HPSE2: variants seen among roughly 807,000 people sequenced by gnomAD.
The protein encoded by HPSE2 is inactive heparanase-2.
HPSE2 carries 38 observed loss-of-function variants against 60.5 expected under a neutral mutation model. That is an observed-to-expected ratio of 0.63 (90% CI 0.48 to 0.82). The LOEUF (loss-of-function observed/expected upper bound fraction) is 0.82, where lower values mean the gene tolerates loss of function less well. HPSE2 is among the 40% of genes least tolerant of loss of function. HPSE2 has a pLI of 0.00. For missense variants in HPSE2, 713 were observed against 740.4 expected (o/e 0.96, Z 0.43); for synonymous variants, 295 against 293.2 (o/e 1.01, Z -0.06).
chr10:98,469,826 AG>A (rs1337698584), intron 11 of HPSE2, among the ~76,000 whole-genome samples: 2 of 152,212 alleles, frequency 1.3e-5, no homozygotes, highest in African/African-American at 2.4e-5. Flanking sequence ...AGCCTTTCCT[AG>A]AAGTATGGCA....
intron 3 of HPSE2, among the ~76,000 whole-genome samples, chr10:98,812,201 C>T (rs1274837466): frequency 1.3e-5 from 2 of 152,090 alleles, no homozygotes; most frequent in Admixed American, 1.3e-4. Flanking sequence ...TTATTGGTAA[C>T]CGTTGCTCCA....
intron 3 of HPSE2, among the ~76,000 whole-genome samples, chr10:99,104,844 T>C (rs1034955523): frequency 6.6e-6 from 1 of 151,640 alleles, no homozygotes; most frequent in African/African-American, 2.4e-5. Context: ...TTCTCACTCA[T>C]AGGTGGGAAT....
At chr10:99,197,194 T>C (rs1447616049) in intron 2 of HPSE2, among the ~76,000 whole-genome samples, 1 of 152,014 alleles carries the variant, frequency 6.6e-6, no homozygotes, top group African/African-American at 2.4e-5. Context: ...CTCATGGACA[T>C]AGTAAAAGGA....
rs147937912 is a variant in HPSE2 at position 99,165,674 on chromosome 10, G to A, written c.449-21275C>T. ...TGATTCTCCTGCCTCAGCTTCCTGA[G>A]TAGCTGGGATTACAGATGCGTGTCA... On this transcript the variant is annotated intron_variant, in intron 2 of 11. Transcript: ENST00000370552. 5.1e-3 allele frequency among the ~76,000 whole-genome samples: 770 copies of A among 152,128 alleles called. 8 individuals are homozygous for A. Among genetic ancestry groups the A allele is most frequent in the Non-Finnish European group, 8.9e-3 (604 of 68,012 alleles).
the HPSE2 span, among the ~76,000 whole-genome samples, chr10:99,308,378 T>TAAAAAAAAA: frequency 2.2e-4 from 1 of 4,478 alleles, no homozygotes; most frequent in Non-Finnish European, 6.2e-4. Context: ...AGACTCTGTC[T>TAAAAAAAAA]CAAAAAAAAA....
intron 3 of HPSE2, among the ~76,000 whole-genome samples, chr10:98,866,144 C>T (rs1418409991): frequency 6.6e-6 from 1 of 151,984 alleles, no homozygotes; most frequent in Admixed American, 6.6e-5. Context: ...TACTGTACTT[C>T]CATATGTTCT....
intron 6 of HPSE2, among the ~76,000 whole-genome samples, chr10:98,681,987 G>A (rs564645962): frequency 7.9e-5 from 12 of 152,280 alleles, no homozygotes; most frequent in Admixed American, 4.6e-4. Context: ...AAAATACCAC[G>A]TGCATTTAAT....
At chr10:99,305,951 ACT>A in the HPSE2 span, among the ~76,000 whole-genome samples, 11 of 72,330 alleles carry the variant, frequency 1.5e-4, no homozygotes, top group African/African-American at 5.8e-4. Context: ...AAATATCCAA[ACT>A]CACACACACG....
intron 6 of HPSE2, among the ~76,000 whole-genome samples, chr10:98,644,405 G>A (rs991327199): frequency 1.3e-5 from 2 of 152,236 alleles, no homozygotes; most frequent in Non-Finnish European, 2.9e-5. Context: ...GCTATCCGCT[G>A]TAGAACTTGG....
intron 3 of HPSE2, among the ~76,000 whole-genome samples, chr10:99,087,402 T>C (rs1212109440): frequency 6.6e-6 from 1 of 152,180 alleles, no homozygotes; most frequent in African/African-American, 2.4e-5. Context: ...ATCCTGCCCT[T>C]GGATACACGT....
intron 3 of HPSE2, among the ~76,000 whole-genome samples, chr10:98,809,673 A>T (rs566058308): frequency 6.6e-6 from 1 of 152,284 alleles, no homozygotes; most frequent in Non-Finnish European, 1.5e-5. Flanking sequence ...ACATCTGAAA[A>T]TTTTAAAAAT....
In HPSE2 at chr10:99,144,412, A is replaced by G; in HGVS notation, c.449-13T>C. ...CTTCGAACAATGTCTACAAAAAGAA[A>G]GAAAGAAGGCAGGCAGCAAAAACTA... On this transcript the variant is annotated splice_polypyrimidine_tract_variant and intron_variant, in intron 2 of 11. Transcript: ENST00000370552. The G allele has an allele frequency of 6.2e-7, 1 of 1,612,440 alleles. No homozygotes were observed. Among genetic ancestry groups the G allele is most frequent in the South Asian group, 1.1e-5 (1 of 91,006 alleles).
intron 9 of HPSE2, among the ~76,000 whole-genome samples, chr10:98,605,504 A>G (rs143012948): frequency 6.6e-6 from 1 of 152,214 alleles, no homozygotes; most frequent in African/African-American, 2.4e-5. Flanking sequence ...AGTATAATAA[A>G]CCACCAAATG....
intron 3 of HPSE2, among the ~76,000 whole-genome samples, chr10:98,996,316 C>T (rs188948001): frequency 1.1e-4 from 16 of 152,174 alleles, no homozygotes; most frequent in African/African-American, 2.2e-4. Flanking sequence ...TAACACTAAG[C>T]GCCCATTAGA....
intron 8 of HPSE2, among the ~76,000 whole-genome samples, chr10:98,618,447 T>G (rs747900839): frequency 6.6e-6 from 1 of 152,098 alleles, no homozygotes; most frequent in Non-Finnish European, 1.5e-5. Flanking sequence ...CAGCGTCCTA[T>G]AGTGAGTGCT....
chr10:99,080,815 T>C (rs1362860496), intron 3 of HPSE2, among the ~76,000 whole-genome samples: 2 of 152,234 alleles, frequency 1.3e-5, no homozygotes, highest in East Asian at 3.8e-4. Context: ...TCTTAGCATA[T>C]ACAATGAGGT....
At chr10:98,638,616 C>T (rs1946560985) in intron 7 of HPSE2, among the ~76,000 whole-genome samples, 1 of 152,170 alleles carries the variant, frequency 6.6e-6, no homozygotes, top group South Asian at 2.1e-4. Context: ...GTCAAAGCAA[C>T]ATTTCAACAA....
intron 2 of HPSE2, among the ~76,000 whole-genome samples, chr10:99,197,169 G>A (rs7899953): frequency 0.55 from 82,862 of 151,930 alleles, 24,374 homozygotes; most frequent in East Asian, 0.65. Flanking sequence ...GATCTAAAAA[G>A]TCAAAACAAT....
rs140754282 is a variant in HPSE2 at position 98,990,508 on chromosome 10, C to T, written c.610+153730G>A. Reference sequence around the variant, plus strand: ...GATGAAGCTTCGCTCGCTCACCCTGCCACTTAGCTCCTGCTATGCAGCCTG... The same window carrying T: ...GATGAAGCTTCGCTCGCTCACCCTGTCACTTAGCTCCTGCTATGCAGCCTG... On this transcript the variant is annotated intron_variant, in intron 3 of 11. Coordinates refer to ENST00000370552, the MANE Select transcript of HPSE2 (RefSeq NM_021828.5). 2.1e-3 allele frequency among the ~76,000 whole-genome samples: 319 copies of T among 152,310 alleles called. 2 individuals are homozygous for T. The highest frequency in any genetic ancestry group is 7.0e-3 in the African/African-American group (293 of 41,562).
Sources: gnomAD v4.1 joint callset for allele counts (sites outside exome capture counted in the v4.1 genomes callset) on GRCh38, gnomAD v4.1.1 for gene constraint, MANE v1.5 for transcripts, NCBI Gene and HGNC (gene_info 2026-07-23, HGNC 2026-07-21) for gene names.